RB1: variants seen among roughly 807,000 people sequenced by gnomAD.
RB1 encodes retinoblastoma-associated protein.
Under a neutral mutation model 135.4 loss-of-function variants are expected in RB1, and 18 were observed. The ratio of observed to expected loss-of-function variants is 0.13; its 90% confidence interval spans 0.09 to 0.20. RB1 has a LOEUF of 0.20. Ranked by LOEUF, RB1 falls within the 10% of genes least tolerant of loss-of-function variation. RB1 has a pLI of 1.00. For synonymous variants in RB1, 365 were observed against 373.2 expected, an observed-to-expected ratio of 0.98 and a Z score of 0.25; for missense variants, 868 against 1,110.0, an observed-to-expected ratio of 0.78 and a Z score of 3.10.
rs576873813 is a variant in RB1, at chr13:48,415,307, T to TC, written c.1695+33865dup. Reference sequence around the variant, plus strand: ...TCTTTTTCTTTCTTTCTTTTTTTTTTCTCACTCTGCCGCCCAGGCTGGAGT... The same window carrying TC: ...TCTTTTTCTTTCTTTCTTTTTTTTTTCCTCACTCTGCCGCCCAGGCTGGAGT... On this transcript the variant is annotated intron_variant, in intron 17 of 26. Coordinates refer to ENST00000267163, the MANE Select transcript of RB1 (RefSeq NM_000321.3). 1.2e-4 allele frequency among the ~76,000 whole-genome samples: 18 copies of TC among 152,072 alleles called. No homozygotes were observed. The South Asian group carries it at 3.7e-3, about 32-fold the overall frequency.
rs77145577 is a variant in RB1, at chr13:48,452,839, G to A, written c.1696-154G>A. On this transcript the variant is annotated intron_variant, in intron 17 of 26. Coordinates refer to ENST00000267163, the MANE Select transcript of RB1 (RefSeq NM_000321.3). ...AAAATTGTCAATTGGGAATTTCGAA[G>A]TAGAGAAAAATATTTCATTCTGACT... Among the ~76,000 whole-genome samples the A allele has an allele frequency of 5.2e-3, 798 of 152,172 alleles. 2 individuals carry two copies. Among genetic ancestry groups the A allele is most frequent in the African/African-American group, 0.018 (766 of 41,526 alleles).
chr13:48,453,155 G>T, intron 18 of RB1, 44 bp downstream of exon 18: 1 of 1,545,806 alleles, frequency 6.5e-7, no homozygotes, highest in Non-Finnish European at 8.9e-7. Flanking sequence ...ACTGCAAATA[G>T]ATTTTAAGCA....
rs1347312864 is a variant in RB1 at position 48,453,714 on chromosome 13, A to G, written c.1814+603A>G. ...TCCAGTGATGATTTTGAGGGCTCCA[A>G]TATTTAAATGGGAAAGTCAGTCTGG... On this transcript the variant is annotated intron_variant, in intron 18 of 26. Coordinates refer to ENST00000267163, the MANE Select transcript of RB1 (RefSeq NM_000321.3). 2.0e-5 allele frequency among the ~76,000 whole-genome samples: 3 copies of G among 152,196 alleles called. No individual in the cohort carries two copies. In the East Asian group the frequency reaches 5.8e-4, roughly 29 times the overall value.
intron 17 of RB1, chr13:48,411,911 A>G (rs578126044): frequency 2.5e-6 from 4 of 1,612,728 alleles, no homozygotes; most frequent in Non-Finnish European, 3.4e-6. Context: ...CTTCTGGAAA[A>G]TTTTCAAAGC....
chr13:48,465,861 A>G lies in RB1; in HGVS notation c.2489+493A>G, dbSNP rs554996369. 9.9e-3 allele frequency among the ~76,000 whole-genome samples: 1,492 copies of G among 150,838 alleles called. 35 individuals carry two copies. The highest frequency in any genetic ancestry group is 0.034 in the African/African-American group (1,415 of 41,164). ...TGCACTTTTCAGACCGGCTTAAGAA[A>G]CGGCGCACCACGAGACTATATCCCA... On this transcript the variant is annotated intron_variant, in intron 23 of 26. Coordinates refer to ENST00000267163, the MANE Select transcript of RB1 (RefSeq NM_000321.3).
rs761569108 is a variant in RB1, at chr13:48,411,712, A to G, written c.1695+30269A>G. 2.5e-6 allele frequency: 4 copies of G among 1,605,252 alleles called. No individual in the cohort carries two copies. The African/African-American group carries it at 4.0e-5, about 16-fold the overall frequency. On this transcript the variant is annotated intron_variant, in intron 17 of 26. Coordinates refer to ENST00000267163, the MANE Select transcript of RB1 (RefSeq NM_000321.3). ...TTGTAAGGAACAAAACAGAAACAGA[A>G]TATGATCAAATGTACAAAAATCATT... is the stretch of plus-strand genomic sequence containing the variant.
chr13:48,357,477 G>A (rs1301589506), intron 6 of RB1, among the ~76,000 whole-genome samples: 4 of 151,814 alleles, frequency 2.6e-5, no homozygotes, highest in Admixed American at 6.6e-5. Context: ...TATAATAGAC[G>A]AATTATTCAA....
chr13:48,351,908 A>G (rs1195623332), intron 6 of RB1, among the ~76,000 whole-genome samples: 2 of 152,112 alleles, frequency 1.3e-5, no homozygotes, highest in Non-Finnish European at 2.9e-5. Flanking sequence ...TCCCTACCTC[A>G]GGTGATCCAT....
chr13:48,391,574 G>A (rs1755717991), intron 17 of RB1: 1 of 152,060 alleles, frequency 6.6e-6, no homozygotes, highest in Non-Finnish European at 1.5e-5. Flanking sequence ...AGGCAACAAA[G>A]CAAAACTCTG....
chr13:48,473,415 A>C, intron 24 of RB1, 25 bp downstream of exon 24: 1 of 1,520,924 alleles, frequency 6.6e-7, no homozygotes, highest in East Asian at 2.3e-5. Context: ...TCTATGAAAT[A>C]TAATAGTATG....
intron 11 of RB1, among the ~76,000 whole-genome samples, chr13:48,371,941 A>G (rs4151515): frequency 6.6e-6 from 1 of 152,176 alleles, no homozygotes; most frequent in African/African-American, 2.4e-5. Flanking sequence ...TCATAGGTGC[A>G]TGAACCTTAT....
chr13:48,424,712 C>T (rs1315991439), intron 17 of RB1, among the ~76,000 whole-genome samples: 1 of 152,104 alleles, frequency 6.6e-6, no homozygotes, highest in Non-Finnish European at 1.5e-5. Flanking sequence ...TGTACTTCCA[C>T]AGTACTTAGT....
chr13:48,334,014 A>T (rs903718664), intron 2 of RB1, among the ~76,000 whole-genome samples: 1 of 152,122 alleles, frequency 6.6e-6, no homozygotes, highest in African/African-American at 2.4e-5. Flanking sequence ...AATTTTTCTG[A>T]TCATATGCTG....
At chr13:48,328,547 C>T in intron 2 of RB1, 1 of 726,654 alleles carries the variant, frequency 1.4e-6, no homozygotes, top group Non-Finnish European at 2.6e-6. Context: ...TCCTCTCCCG[C>T]CTTCCCATCA....
chr13:48,318,234 C>A lies in RB1; in HGVS notation c.264+10828C>A, dbSNP rs953357131. ...GCTGTCTCTCTTGGACTTGGAGAGTCAGCTATTAAGCACCGGCGGGCTTCT... is the reference window on the plus strand; with the variant it reads ...GCTGTCTCTCTTGGACTTGGAGAGTAAGCTATTAAGCACCGGCGGGCTTCT... On this transcript the variant is annotated intron_variant, in intron 2 of 26. Transcript: ENST00000267163. The A allele has an allele frequency of 1.3e-5, 9 of 675,544 alleles. No individual in the cohort carries two copies. In the Admixed American group the frequency reaches 2.5e-4, roughly 19 times the overall value. The allele number at this position is 675,544 out of a possible 1,614,324, so 41.8% of individuals were successfully genotyped here.
At chr13:48,453,243 T>C in intron 18 of RB1, 132 bp downstream of exon 18, 1 of 948,620 alleles carries the variant, frequency 1.1e-6, no homozygotes, top group Non-Finnish European at 1.6e-6. Context: ...TTTTAAGAAA[T>C]TAGTAATAAA....
intron 17 of RB1, chr13:48,412,050 T>G: frequency 6.2e-7 from 1 of 1,613,294 alleles, no homozygotes; most frequent in Non-Finnish European, 8.5e-7. Flanking sequence ...TCTTAGAGTC[T>G]TTGACTTAAA....
intron 2 of RB1, among the ~76,000 whole-genome samples, chr13:48,326,719 G>A (rs1201553216): frequency 6.6e-6 from 1 of 152,040 alleles, no homozygotes; most frequent in Non-Finnish European, 1.5e-5. Context: ...GACTAAAAGA[G>A]CTCAGCGAGC....
chr13:48,406,737 G>C (rs1480305679), intron 17 of RB1: 1 of 152,180 alleles, frequency 6.6e-6, no homozygotes, highest in Non-Finnish European at 1.5e-5. Flanking sequence ...CCACCATTAA[G>C]TAACTAGACA....
Sources: allele counts gnomAD v4.1 joint callset (sites outside exome capture counted in the v4.1 genomes callset), GRCh38; gene constraint gnomAD v4.1.1; transcripts MANE v1.5; gene names NCBI Gene and HGNC (gene_info 2026-07-23, HGNC 2026-07-21).